Variants in MAP4K4 observed in about 807,000 individuals in gnomAD.
The protein encoded by MAP4K4 is mitogen-activated protein kinase kinase kinase kinase 4, also known as HPK/GCK-like kinase HGK.
Under a neutral mutation model 189.6 loss-of-function variants are expected in MAP4K4, and 38 were observed. That is an observed-to-expected ratio of 0.20 (90% CI 0.15 to 0.26). The LOEUF is 0.26. Among genes scored for constraint, MAP4K4 ranks in the 10% least tolerant of loss-of-function variants. MAP4K4 has a pLI of 1.00. For missense variants in MAP4K4, 1,054 were observed against 1,726.9 expected (o/e 0.61, Z 6.91); for synonymous variants, 610 against 624.3 (o/e 0.98, Z 0.34).
chr2:101,831,646 T>C, intron 6 of MAP4K4, 75 bp from the exon 7 acceptor site: 1 of 1,457,270 alleles, frequency 6.9e-7, no homozygotes, highest in Non-Finnish European at 9.4e-7. Flanking sequence ...ATTTCCTCCT[T>C]GTGTTTTTTC....
chr2:101,837,826 T>C (rs1346444540), intron 9 of MAP4K4, among the ~76,000 whole-genome samples: 1 of 152,238 alleles, frequency 6.6e-6, no homozygotes, highest in African/African-American at 2.4e-5. Flanking sequence ...TTAACCACTG[T>C]GTCCAACATA....
intron 3 of MAP4K4, among the ~76,000 whole-genome samples, chr2:101,798,951 T>G (rs2094096186): frequency 6.6e-6 from 1 of 152,224 alleles, no homozygotes; most frequent in African/African-American, 2.4e-5. Context: ...ATTTCATCCC[T>G]CTAGGAAAGA....
intron 2 of MAP4K4, among the ~76,000 whole-genome samples, chr2:101,734,665 T>C (rs2059701382): frequency 6.6e-6 from 1 of 152,180 alleles, no homozygotes; most frequent in Admixed American, 6.5e-5. Context: ...TGTGCACCGC[T>C]TGGTGGCCAG....
In MAP4K4 at chr2:101,819,623, T is replaced by G. The variant is rs1361421478; in HGVS notation, c.181-4305T>G. On this transcript the variant is annotated intron_variant, in intron 3 of 32. Coordinates refer to ENST00000324219, the Ensembl canonical transcript of MAP4K4. ...AATATAATTTCCTTGCAATATATTT[T>G]GTAGTTATTTTTGTATGCTTCCAGG... Among the ~76,000 whole-genome samples, 4 of 152,232 alleles carry G rather than the reference T, an allele frequency of 2.6e-5. No homozygotes were observed. In the South Asian group the frequency reaches 8.3e-4, roughly 32 times the overall value.
intron 12 of MAP4K4, among the ~76,000 whole-genome samples, chr2:101,850,215 G>T (rs57407564): frequency 0.014 from 2,148 of 152,166 alleles, 52 homozygotes; most frequent in African/African-American, 0.049. Context: ...ATCCCAAAGG[G>T]ATTTCTACAA....
At chr2:101,891,126 G>A in intron 32 of MAP4K4, 40 bp from the exon 33 acceptor site, 2 of 1,519,536 alleles carry the variant, frequency 1.3e-6, no homozygotes, top group Non-Finnish European at 1.8e-6. Flanking sequence ...AGTGCTTCAT[G>A]ACCATGGTAA....
intron 3 of MAP4K4, chr2:101,797,447 C>G: frequency 8.4e-7 from 1 of 1,193,188 alleles, no homozygotes; most frequent in Non-Finnish European, 1.1e-6. Context: ...CCCCTCCCTC[C>G]TTATCTTCTT....
chr2:101,771,137 T>C (rs1272770107), intron 2 of MAP4K4, among the ~76,000 whole-genome samples: 2 of 152,210 alleles, frequency 1.3e-5, no homozygotes, highest in Non-Finnish European at 2.9e-5. Flanking sequence ...TACTGAGCTC[T>C]CCATGTTGTT....
intron 2 of MAP4K4, among the ~76,000 whole-genome samples, chr2:101,699,691 TTATC>T (rs10544047): frequency 0.031 from 4,708 of 152,248 alleles, 243 homozygotes; most frequent in African/African-American, 0.11. Context: ...TGAGTAGAGT[TTATC>T]TATCACTTGA....
intron 2 of MAP4K4, among the ~76,000 whole-genome samples, chr2:101,730,143 G>A (rs1434606256): frequency 6.6e-6 from 1 of 152,180 alleles, no homozygotes; most frequent in African/African-American, 2.4e-5. Context: ...CTTCGTTCAT[G>A]TACTTTGTAT....
chr2:101,889,315 C>G (rs1017281385), intron 32 of MAP4K4, among the ~76,000 whole-genome samples: 2 of 152,108 alleles, frequency 1.3e-5, no homozygotes, highest in Non-Finnish European at 2.9e-5. Flanking sequence ...TTCCTCTGAC[C>G]TAATGTGTGT....
At chr2:101,866,035 A>G (rs954395133) in intron 18 of MAP4K4, among the ~76,000 whole-genome samples, 1 of 152,228 alleles carries the variant, frequency 6.6e-6, no homozygotes, top group African/African-American at 2.4e-5. Flanking sequence ...GAACAGTAAC[A>G]GGCAGGTGAG....
At chr2:101,834,250 C>T (rs1396425691) in intron 7 of MAP4K4, among the ~76,000 whole-genome samples, 159 bp from the exon 8 acceptor site, 1 of 149,254 alleles carries the variant, frequency 6.7e-6, no homozygotes, top group East Asian at 2.0e-4. Context: ...CCCCTCCCCT[C>T]CCCTCCGCTC....
rs148184907 is a variant in MAP4K4 at position 101,797,603 on chromosome 2, A to G, written c.180+6827A>G. ...TTTGATCTTAAATTTTAACTTCCCA[A>G]TTTGGGTTGGTTTCCTTACTCAGCC... On this transcript the variant is annotated intron_variant, in intron 3 of 32. Coordinates refer to ENST00000324219, the Ensembl canonical transcript of MAP4K4. Among the ~76,000 whole-genome samples the G allele has an allele frequency of 3.1e-3, 472 of 152,212 alleles. 3 individuals carry two copies. The highest frequency in any genetic ancestry group is 0.01 in the African/African-American group (435 of 41,528).
intron 2 of MAP4K4, among the ~76,000 whole-genome samples, chr2:101,714,551 A>G (rs1053064006): frequency 2.0e-5 from 3 of 152,210 alleles, no homozygotes; most frequent in East Asian, 1.9e-4. Flanking sequence ...CCAAATAACT[A>G]TAAGCACCTT....
intron 3 of MAP4K4, among the ~76,000 whole-genome samples, chr2:101,811,370 CAAAAAAA>C (rs71378177): frequency 4.4e-5 from 3 of 68,902 alleles, no homozygotes; most frequent in Admixed American, 2.1e-4. Context: ...GACTGCGTCT[CAAAAAAA>C]AAAAAAAAAA....
At chr2:101,867,531 T>G (rs1203410010) in intron 20 of MAP4K4, 2 of 504,120 alleles carry the variant, frequency 4.0e-6, no homozygotes, top group Non-Finnish European at 7.1e-6. Context: ...TTTTTTCTGT[T>G]GTTCCAGCCA....
Position 101,891,148 on chromosome 2 carries a change from C to G in MAP4K4, c.4072-18C>G. On this transcript the variant is annotated intron_variant, in intron 32 of 32. Transcript: ENST00000324219. ...CATGACCATGGTAACCATTCCCTCT[C>G]TTTTCTTGCTTTTGCAGGTGTTCTT... The G allele has an allele frequency of 6.2e-7, 1 of 1,607,866 alleles. No homozygotes were observed. Among genetic ancestry groups the G allele is most frequent in the East Asian group, 2.2e-5 (1 of 44,838 alleles).
chr2:101,802,800 T>A (rs1226714082), intron 3 of MAP4K4, among the ~76,000 whole-genome samples: 1 of 152,144 alleles, frequency 6.6e-6, no homozygotes, highest in Non-Finnish European at 1.5e-5. Flanking sequence ...CTGTTTTTTT[T>A]TTGAGATGGA....
Sources: gnomAD v4.1 joint callset for allele counts (sites outside exome capture counted in the v4.1 genomes callset) on GRCh38, gnomAD v4.1.1 for gene constraint, MANE v1.5 for transcripts, NCBI Gene and HGNC (gene_info 2026-07-23, HGNC 2026-07-21) for gene names.